MYH14: variants seen among roughly 807,000 people sequenced by gnomAD.
MYH14 encodes the protein myosin heavy chain 14, also known as myosin-14.
A neutral mutation model predicts 255.5 loss-of-function variants in MYH14; 123 were observed. The ratio of observed to expected loss-of-function variants is 0.48; its 90% confidence interval spans 0.42 to 0.56. MYH14 has a LOEUF of 0.56. Ranked by LOEUF, MYH14 falls within the 20% of genes least tolerant of loss-of-function variation. The pLI, the probability that MYH14 is intolerant of heterozygous loss-of-function variation, is 0.00. For synonymous variants in MYH14, 1,095 were observed against 1,161.2 expected (o/e 0.94, Z 1.16); for missense variants, 2,423 against 2,802.3 (o/e 0.86, Z 3.06).
chr19:50,268,665 T>G lies in MYH14; in HGVS notation c.3033+298T>G, dbSNP rs557276430. Among the ~76,000 whole-genome samples the G allele has an allele frequency of 1.1e-4, 16 of 152,232 alleles. No individual in the cohort carries two copies. The South Asian group carries it at 3.3e-3, about 32-fold the overall frequency. On this transcript the variant is annotated intron_variant, in intron 24 of 42. Transcript: ENST00000642316. Reference sequence around the variant, plus strand: ...GCATGGCTGGATGCAGGAATCCAAGTGATATCCTCAGCTTCAGGCATGGCT... The same window carrying G: ...GCATGGCTGGATGCAGGAATCCAAGGGATATCCTCAGCTTCAGGCATGGCT...
At chr19:50,233,817 A>ACCC (rs1385579013) in intron 10 of MYH14, among the ~76,000 whole-genome samples, 1 of 112,030 alleles carries the variant, frequency 8.9e-6, no homozygotes, top group Non-Finnish European at 1.8e-5. Context: ...CCTCCCCCCG[A>ACCC]CCCCCCCGCC....
At chr19:50,297,055 G>A (rs1308554688) in intron 39 of MYH14, among the ~76,000 whole-genome samples, 2 of 151,374 alleles carry the variant, frequency 1.3e-5, no homozygotes, top group Non-Finnish European at 2.9e-5. Context: ...GTGTGATCTT[G>A]GCTCACTGCA....
intron 34 of MYH14, 105 bp downstream of exon 34, chr19:50,286,799 CAT>C (rs1304784579): frequency 2.7e-6 from 3 of 1,103,742 alleles, no homozygotes; most frequent in Non-Finnish European, 3.9e-6. Context: ...CCATCAAAGT[CAT>C]ATGTTCATGC....
At chr19:50,248,622 G>A (rs964290700) in intron 12 of MYH14, among the ~76,000 whole-genome samples, 18 of 152,312 alleles carry the variant, frequency 1.2e-4, no homozygotes, top group African/African-American at 4.1e-4. Flanking sequence ...CTGAGGCACA[G>A]AGAGGTTTAT....
chr19:50,272,528 T>C, intron 26 of MYH14, 32 bp from the exon 27 acceptor site: 1 of 1,551,732 alleles, frequency 6.4e-7, no homozygotes, highest in Non-Finnish European at 8.7e-7. Flanking sequence ...AGGCCTGGAG[T>C]CCTCATGCAC....
intron 9 of MYH14, 69 bp from the exon 10 acceptor site, chr19:50,231,861 C>G (rs892776898): frequency 2.5e-6 from 4 of 1,589,538 alleles, no homozygotes; most frequent in Non-Finnish European, 3.4e-6. Context: ...GGATTGCCAC[C>G]GATGAATCCA....
Position 50,261,496 on chromosome 19 carries a change from C to T in MYH14, c.2446C>T (p.Pro816Ser). 1.3e-6 allele frequency: 2 copies of T among 1,531,848 alleles called. No homozygotes were observed. Among genetic ancestry groups the T allele is most frequent in the African/African-American group, 1.7e-5 (1 of 58,068 alleles). 94.9% of individuals were successfully genotyped at this position (1,531,848 alleles called of 1,614,324 possible). A position where few individuals can be genotyped will look rare whatever the true frequency, so the allele number is the denominator to read the frequency against. ...ACAGATCCAGGCGCTGGAACTGGAC[C>T]CCAACCTCTACCGCGTGGGACAGAG... is the stretch of plus-strand genomic sequence containing the variant. The part of the protein sequence containing the change: ...EKMIQALELD[P>S]NLYRVGQSKI... The change falls in exon 21 of 43, where the codon CCC (proline) becomes TCC (serine). Residue 816 changes from proline (P) to serine (S), a missense_variant. Around this residue, in one of 3 missense-constraint regions of MYH14, gnomAD observed 1,513 missense variants for 1,674.8 expected, o/e 0.90. Transcript: ENST00000642316.
Position 50,293,279 on chromosome 19 carries a change from G to A in MYH14, c.5303G>A (p.Arg1768Gln), listed in dbSNP as rs368770587. The A allele has an allele frequency of 2.4e-5, 39 of 1,609,670 alleles. No individual in the cohort carries two copies. Among genetic ancestry groups the A allele is most frequent in the Middle Eastern group, 3.3e-4 (2 of 6,054 alleles). The change falls in exon 38 of 43, where the codon CGG becomes CAG. Residue 1768 changes from arginine to glutamine, a missense_variant. By Grantham distance (43) the Arg-to-Gln change is conservative (BLOSUM62 1). Transcript: ENST00000642316. This position sits in a 1 kb window ranked among gnomAD's most constrained non-coding sequence, Gnocchi z 4.1. The stretch of plus-strand genomic sequence containing the variant: ...GCTCGGCGGCAGGCCCAGCAGGACC[G>A]GGATGAGATGGCAGATGAGGTGGCC... Reference protein sequence around the residue: ...DRARRQAQQDRDEMADEVANG... With the variant: ...DRARRQAQQDQDEMADEVANG...
chr19:50,284,138 ATGCAAGTTCTTTATCAGATATATGCTT>A (rs1280673498), intron 33 of MYH14, among the ~76,000 whole-genome samples: 12 of 152,212 alleles, frequency 7.9e-5, no homozygotes, highest in African/African-American at 2.7e-4. Flanking sequence ...TGTATTCTAA[ATGCAAGTTCTTTATCAGATATATGCTT>A]TGCAAATATT....
rs1196702990 is a variant in MYH14, at chr19:50,277,496, T to C, written c.3826-587T>C. ...TGGCACACACGCCTATAGTCCCAGCTACTTGAGAGGCTGAGGCAGGAGAAT... is the reference window on the plus strand; with the variant it reads ...TGGCACACACGCCTATAGTCCCAGCCACTTGAGAGGCTGAGGCAGGAGAAT... On this transcript the variant is annotated intron_variant, in intron 29 of 42. Coordinates refer to ENST00000642316, the MANE Select transcript of MYH14 (RefSeq NM_001145809.2). Among the ~76,000 whole-genome samples, 4 of 151,316 alleles carry C rather than the reference T, an allele frequency of 2.6e-5. No homozygotes were observed. In the East Asian group the frequency reaches 7.8e-4, roughly 30 times the overall value.
intron 39 of MYH14, among the ~76,000 whole-genome samples, chr19:50,298,306 TTA>T (rs2036350974): frequency 6.6e-6 from 1 of 150,906 alleles, no homozygotes; most frequent in African/African-American, 2.4e-5. Flanking sequence ...CAGGAGGAGG[TTA>T]GAGAGAGAGG....
At position 50,230,860 on chromosome 19, in the gene MYH14, G is replaced by C. The variant is rs892992153; in HGVS notation, c.973+237G>C. ...GGTCTGGCTCGCGCCCGCTGTCACG[G>C]CCACGCAGCCCCCGCCGCCTGGTGG... On this transcript the variant is annotated intron_variant, in intron 9 of 42. Coordinates refer to ENST00000642316, the MANE Select transcript of MYH14 (RefSeq NM_001145809.2). This position sits in a 1 kb window ranked among gnomAD's most constrained non-coding sequence, Gnocchi z 4.7. 1 of 509,456 alleles carries C rather than the reference G, an allele frequency of 2.0e-6. No homozygotes were observed. The highest frequency in any genetic ancestry group is 1.9e-5 in the African/African-American group (1 of 51,712). 31.6% of individuals were successfully genotyped at this position (509,456 alleles called of 1,614,324 possible).
At position 50,250,647 on chromosome 19, in the gene MYH14, C is replaced by T. The variant is rs200843734; in HGVS notation, c.1789C>T (p.Arg597Trp). 3.2e-5 allele frequency: 51 copies of T among 1,613,780 alleles called. No individual in the cohort carries two copies. The highest frequency in any genetic ancestry group is 1.6e-4 in the Middle Eastern group (1 of 6,084). Reference protein sequence around the residue: ...HPKFQRPRHLRDQADFSVLHY... With the variant: ...HPKFQRPRHLWDQADFSVLHY... ...CAAGTTCCAGCGGCCGAGGCACCTG[C>T]GGGATCAGGCCGACTTCAGTGTTCT... is the stretch of plus-strand genomic sequence containing the variant. Residue 597 changes from arginine to tryptophan, a missense_variant, in exon 15 of 43, where the codon CGG becomes TGG. Transcript: ENST00000642316. The surrounding 1 kb of genome is among the most constrained non-coding windows in gnomAD (Gnocchi z 5.4).
At chr19:50,282,555 T>C (rs748716226) in intron 33 of MYH14, among the ~76,000 whole-genome samples, 4 of 152,050 alleles carry the variant, frequency 2.6e-5, no homozygotes, top group Admixed American at 1.3e-4. Flanking sequence ...ACAAAAAAAT[T>C]AGCTGGGCAT....
At chr19:50,242,405 C>T in intron 10 of MYH14, among the ~76,000 whole-genome samples, 1 of 152,232 alleles carries the variant, frequency 6.6e-6, no homozygotes, top group South Asian at 2.1e-4. Flanking sequence ...TGGCAGAAGG[C>T]AAAAGGCACA....
In MYH14 at chr19:50,244,197, A is replaced by G. The variant is rs750079383; in HGVS notation, c.1115-45A>G. The G allele has an allele frequency of 1.9e-6, 3 of 1,557,336 alleles. No homozygotes were observed. The South Asian group carries it at 3.3e-5, about 17-fold the overall frequency. On this transcript the variant is annotated intron_variant, in intron 10 of 42. Coordinates refer to ENST00000642316, the MANE Select transcript of MYH14 (RefSeq NM_001145809.2). Reference sequence around the variant, plus strand: ...TTTAAGGGGCCAGTTAAGACCACACATCGGGGTCCAGAGCCACACGTGACC... The same window carrying G: ...TTTAAGGGGCCAGTTAAGACCACACGTCGGGGTCCAGAGCCACACGTGACC...
intron 25 of MYH14, 35 bp from the exon 26 acceptor site, chr19:50,271,814 C>A: frequency 6.2e-7 from 1 of 1,611,528 alleles, no homozygotes; most frequent in Non-Finnish European, 8.5e-7. Flanking sequence ...GGCCCAACTC[C>A]TCCTGACTGC....
chr19:50,276,250 G>C lies in MYH14; in HGVS notation c.3680+47G>C, dbSNP rs2035504699. The C allele has an allele frequency of 7.4e-7, 1 of 1,350,566 alleles. No homozygotes were observed. Among genetic ancestry groups the C allele is most frequent in the Non-Finnish European group, 1.0e-6 (1 of 998,732 alleles). The allele number at this position is 1,350,566 out of a possible 1,614,324, so 83.7% of individuals were successfully genotyped here. A position where few individuals can be genotyped will look rare whatever the true frequency, so the allele number is the denominator to read the frequency against. On this transcript the variant is annotated intron_variant, in intron 28 of 42. Coordinates refer to ENST00000642316, the MANE Select transcript of MYH14 (RefSeq NM_001145809.2). The surrounding 1 kb of genome is among the most constrained non-coding windows in gnomAD (Gnocchi z 4.3). ...CTGTCACAGCCTGTGCACATACAGGGCTGGGGGAAGGACTTAGGTACAAAG... is the reference window on the plus strand; with the variant it reads ...CTGTCACAGCCTGTGCACATACAGGCCTGGGGGAAGGACTTAGGTACAAAG...
Position 50,281,610 on chromosome 19 carries a change from G to A in MYH14, c.4307G>A (p.Arg1436Gln), listed in dbSNP as rs773527189. Residue 1436 changes from arginine (R) to glutamine (Q), a missense_variant, in exon 33 of 43, where the codon CGG becomes CAG. Physicochemically the swap from Arg to Gln is conservative, Grantham distance 43. Transcript: ENST00000642316. ...TCCCCTCAGCTTTCCGAGTGGCGGC[G>A]GCGCCAGGAGGAGGAGGCAGGGGCA... ...TAQAQLSEWR[R>Q]RQEEEAGALE... The A allele has an allele frequency of 8.8e-6, 14 of 1,590,058 alleles. No homozygotes were observed. The highest frequency in any genetic ancestry group is 2.2e-4 in the Middle Eastern group (1 of 4,572).
Sources: gnomAD v4.1 joint callset for allele counts (sites outside exome capture counted in the v4.1 genomes callset) on GRCh38, gnomAD v4.1.1 for gene constraint, gnomAD v4.1.1 regional missense constraint, Gnocchi (gnomAD v3.1) non-coding constraint, MANE v1.5 for transcripts, NCBI Gene and HGNC (gene_info 2026-07-23, HGNC 2026-07-21) for gene names.